NDUFS1: variants seen among roughly 807,000 people sequenced by gnomAD.
NDUFS1 encodes the protein NADH-ubiquinone oxidoreductase 75 kDa subunit, mitochondrial.
NDUFS1 carries 61 observed loss-of-function variants against 84.4 expected under a neutral mutation model. That is an observed-to-expected ratio of 0.72 (90% confidence interval 0.59 to 0.89). The LOEUF (loss-of-function observed/expected upper bound fraction) is 0.89, where lower values mean the gene tolerates loss of function less well. Ranked by LOEUF, NDUFS1 falls within the 40% of genes least tolerant of loss-of-function variation. NDUFS1 has a pLI of 0.00. For synonymous variants in NDUFS1, 275 were observed against 290.0 expected (o/e 0.95, Z 0.53); for missense variants, 891 against 890.0 (o/e 1.00, Z -0.01).
chr2:206,146,950 G>C lies in NDUFS1; in HGVS notation c.690C>G (p.Ala230=), dbSNP rs1393546681. The C allele has an allele frequency of 6.2e-7, 1 of 1,614,050 alleles. No homozygotes were observed. The highest frequency in any genetic ancestry group is 2.2e-5 in the East Asian group (1 of 44,876). The part of the protein sequence containing the change: ...GNIIDICPVG[A]LTSKPYAFTA... ...TAAAGGCATAGGGCTTAGAGGTTAG[G>C]GCACCTACAGGGCAGATATCAATGA... is the stretch of plus-strand genomic sequence containing the variant. Residue 230 remains alanine, a synonymous_variant, in exon 8 of 19, where the codon GCC becomes GCG. Coordinates refer to ENST00000233190, the MANE Select transcript of NDUFS1 (RefSeq NM_005006.7).
intron 1 of NDUFS1, among the ~76,000 whole-genome samples, chr2:206,158,380 A>T (rs1460361431): frequency 6.6e-6 from 1 of 152,088 alleles, no homozygotes; most frequent in Non-Finnish European, 1.5e-5. Flanking sequence ...TATCCTTCAA[A>T]TCTTGGCTTA....
intron 18 of NDUFS1, among the ~76,000 whole-genome samples, chr2:206,125,578 G>A (rs147332053): frequency 9.9e-5 from 15 of 151,780 alleles, no homozygotes; most frequent in Non-Finnish European, 1.8e-4. Flanking sequence ...GTATGTCCCT[G>A]GAGGAAGAGT....
intron 1 of NDUFS1, among the ~76,000 whole-genome samples, chr2:206,156,866 CA>C (rs1310770748): frequency 6.6e-6 from 1 of 152,122 alleles, no homozygotes; most frequent in Non-Finnish European, 1.5e-5. Flanking sequence ...AGGAGGAAAA[CA>C]ATACTTCCTA....
At chr2:206,136,219 AT>A (rs79486494) in intron 13 of NDUFS1, among the ~76,000 whole-genome samples, 297 of 138,802 alleles carry the variant, frequency 2.1e-3, no homozygotes, top group Middle Eastern at 3.8e-3. Context: ...TAATTTTTGT[AT>A]TTTTTTTTTT....
At chr2:206,137,497 A>C (rs892398628) in intron 13 of NDUFS1, among the ~76,000 whole-genome samples, 1 of 152,032 alleles carries the variant, frequency 6.6e-6, no homozygotes, top group African/African-American at 2.4e-5. Context: ...AAAAAAAGAT[A>C]ATCAGGACAG....
chr2:206,133,459 G>A (rs924332749), intron 13 of NDUFS1, among the ~76,000 whole-genome samples: 2 of 152,176 alleles, frequency 1.3e-5, no homozygotes, highest in Admixed American at 1.3e-4. Flanking sequence ...TAAAGAATAG[G>A]AAAAACTATG....
intron 6 of NDUFS1, 43 bp from the exon 7 acceptor site, chr2:206,147,704 A>C: frequency 6.2e-7 from 1 of 1,614,070 alleles, no homozygotes; most frequent in East Asian, 2.2e-5. Context: ...CTGCTAATAA[A>C]ATTAAAATCT....
intron 16 of NDUFS1, 102 bp downstream of exon 16, chr2:206,127,695 T>C (rs1196426858): frequency 8.0e-7 from 1 of 1,248,786 alleles, no homozygotes; most frequent in African/African-American, 1.5e-5. Context: ...CATCTCTGCA[T>C]TTCAGACTGG....
At chr2:206,142,561 G>T in intron 11 of NDUFS1, 125 bp downstream of exon 11, 1 of 1,196,762 alleles carries the variant, frequency 8.4e-7, no homozygotes, top group Non-Finnish European at 1.2e-6. Flanking sequence ...CTTCTGGTTT[G>T]ATCTTGGTCT....
intron 16 of NDUFS1, 112 bp from the exon 17 acceptor site, chr2:206,126,956 T>C: frequency 7.7e-7 from 1 of 1,296,858 alleles, no homozygotes; most frequent in Admixed American, 1.8e-5. Context: ...AAAAACCTAT[T>C]GGTGTCCATT....
At chr2:206,139,238 T>C (rs938866896) in intron 12 of NDUFS1, among the ~76,000 whole-genome samples, 2 of 152,026 alleles carry the variant, frequency 1.3e-5, no homozygotes, top group African/African-American at 2.4e-5. Flanking sequence ...CAGGCTGGAG[T>C]GCTGTGGCGC....
chr2:206,157,817 T>C (rs992202109), intron 1 of NDUFS1, among the ~76,000 whole-genome samples: 1 of 152,194 alleles, frequency 6.6e-6, no homozygotes, highest in African/African-American at 2.4e-5. Context: ...TGACTAATCA[T>C]TTCTTAAACT....
chr2:206,131,538 G>C (rs977594156), intron 14 of NDUFS1, among the ~76,000 whole-genome samples: 3 of 152,102 alleles, frequency 2.0e-5, no homozygotes, highest in Admixed American at 6.6e-5. Flanking sequence ...GAAGTGGCTC[G>C]TATCTGTAAT....
chr2:206,143,457 T>C (rs1692041405), intron 10 of NDUFS1, among the ~76,000 whole-genome samples: 1 of 152,208 alleles, frequency 6.6e-6, no homozygotes, highest in African/African-American at 2.4e-5. Flanking sequence ...CTCTGAAGTA[T>C]CTGCCTTTCC....
At chr2:206,150,781 AATG>A (rs1421092358) in intron 3 of NDUFS1, among the ~76,000 whole-genome samples, 1 of 152,216 alleles carries the variant, frequency 6.6e-6, no homozygotes, top group Non-Finnish European at 1.5e-5. Flanking sequence ...CTTAAATTCA[AATG>A]ATTTCTCTCC....
chr2:206,128,867 C>A (rs552829118), intron 15 of NDUFS1, among the ~76,000 whole-genome samples: 54 of 152,010 alleles, frequency 3.6e-4, no homozygotes, highest in African/African-American at 1.1e-3. Context: ...ATAATACACA[C>A]ATATAAAATA....
chr2:206,156,534 C>T lies in NDUFS1; in HGVS notation c.-5+2807G>A, dbSNP rs527852480. Among the ~76,000 whole-genome samples, 6 of 151,800 alleles carry T rather than the reference C, an allele frequency of 4.0e-5. No homozygotes were observed. The South Asian group carries it at 1.2e-3, about 31-fold the overall frequency. The stretch of plus-strand genomic sequence containing the variant: ...AGGTTACAGTGAGCTACAATCATGC[C>T]ACTGCACTCCAGCCTGGGTGACAGA... On this transcript the variant is annotated intron_variant, in intron 1 of 18. Transcript: ENST00000233190.
intron 2 of NDUFS1, among the ~76,000 whole-genome samples, chr2:206,153,136 T>C (rs558955080): frequency 3.1e-4 from 47 of 152,288 alleles, no homozygotes; most frequent in African/African-American, 1.1e-3. Flanking sequence ...ATAATTCCTA[T>C]AAACTGTTTA....
intron 12 of NDUFS1, among the ~76,000 whole-genome samples, chr2:206,139,147 A>C (rs1267582915): frequency 6.6e-6 from 1 of 151,904 alleles, no homozygotes; most frequent in Non-Finnish European, 1.5e-5. Context: ...AAAAAAAAGA[A>C]AGAAATGCTA....
Sources: allele counts gnomAD v4.1 joint callset (sites outside exome capture counted in the v4.1 genomes callset), GRCh38; gene constraint gnomAD v4.1.1; transcripts MANE v1.5; gene names NCBI Gene and HGNC (gene_info 2026-07-23, HGNC 2026-07-21).